Variants in PPP4R3B observed in about 807,000 individuals in gnomAD.
PPP4R3B encodes protein phosphatase 4 regulatory subunit 3B, also known as serine/threonine-protein phosphatase 4 regulatory subunit 3B.
PPP4R3B carries 52 observed loss-of-function variants against 95.4 expected under a neutral mutation model. That is an observed-to-expected ratio of 0.54 (90% CI 0.44 to 0.69). The LOEUF (loss-of-function observed/expected upper bound fraction) is 0.69. Among genes scored for constraint, PPP4R3B ranks in the 30% least tolerant of loss-of-function variants. PPP4R3B has a pLI of 0.00. For missense variants in PPP4R3B, 1,003 were observed against 1,005.9 expected, an observed-to-expected ratio of 1.00 and a Z score of 0.04; for synonymous variants, 407 against 343.9, an observed-to-expected ratio of 1.18 and a Z score of -2.03.
intron 4 of PPP4R3B, among the ~76,000 whole-genome samples, chr2:55,589,275 C>G (rs891515265): frequency 2.4e-4 from 37 of 152,310 alleles, no homozygotes; most frequent in African/African-American, 8.4e-4. Flanking sequence ...TCAGGGTCTA[C>G]TTACTCTTAA....
At chr2:55,581,733 C>G in intron 7 of PPP4R3B, 35 bp from the exon 8 acceptor site, 1 of 1,599,916 alleles carries the variant, frequency 6.3e-7, no homozygotes, top group South Asian at 1.1e-5. Flanking sequence ...AAACATGTTT[C>G]CATTAGACCT....
In PPP4R3B at chr2:55,573,746, T is replaced by A; in HGVS notation, c.1638A>T (p.Leu546Phe). The A allele has an allele frequency of 1.3e-6, 2 of 1,536,710 alleles. No homozygotes were observed. The highest frequency in any genetic ancestry group is 5.0e-5 in the East Asian group (2 of 40,392). ...DNYQTAQLLA[L>F]ILELLTFCVE... Reference sequence around the variant, plus strand: ...CACAAAATGTGAGTAACTCTAAAATTAAGGCAAGTAGCTGTGCTGTTTGAT... The same window carrying A: ...CACAAAATGTGAGTAACTCTAAAATAAAGGCAAGTAGCTGTGCTGTTTGAT... The change falls in exon 12 of 17, where the codon TTA becomes TTT. Residue 546 changes from leucine (L) to phenylalanine (F), a missense_variant. Physicochemically the swap from Leu to Phe is conservative, Grantham distance 22 (BLOSUM62 0). Coordinates refer to ENST00000616407, the MANE Select transcript of PPP4R3B (RefSeq NM_001122964.3).
intron 15 of PPP4R3B, among the ~76,000 whole-genome samples, chr2:55,562,769 T>A (rs1686794668): frequency 6.6e-6 from 1 of 152,216 alleles, no homozygotes; most frequent in South Asian, 2.1e-4. Flanking sequence ...CTCTACATTG[T>A]GGTATCTAGC....
chr2:55,555,304 A>AAG (rs1685710249), intron 16 of PPP4R3B, among the ~76,000 whole-genome samples: 1 of 150,630 alleles, frequency 6.6e-6, no homozygotes, highest in East Asian at 1.9e-4. Context: ...AAAAGAAAGA[A>AAG]AGAAAAAGAG....
chr2:55,608,254 C>G (rs1007939730), intron 2 of PPP4R3B, among the ~76,000 whole-genome samples: 1 of 152,212 alleles, frequency 6.6e-6, no homozygotes, highest in African/African-American at 2.4e-5. Flanking sequence ...ATCTGCCAGC[C>G]TTGGGCTCCC....
intron 2 of PPP4R3B, among the ~76,000 whole-genome samples, chr2:55,613,200 C>T (rs1694425735): frequency 6.6e-6 from 1 of 151,800 alleles, no homozygotes; most frequent in African/African-American, 2.4e-5. Context: ...TAACATAACC[C>T]CTAAATGGCC....
chr2:55,608,617 T>C (rs1180444840), intron 2 of PPP4R3B, among the ~76,000 whole-genome samples: 1 of 152,182 alleles, frequency 6.6e-6, no homozygotes, highest in African/African-American at 2.4e-5. Context: ...TCTCTTCAAT[T>C]CCACAGATTG....
chr2:55,589,927 AAATTATATATATATAAAAAATATAT>A (rs1179319032), intron 4 of PPP4R3B, among the ~76,000 whole-genome samples: 1 of 144,876 alleles, frequency 6.9e-6, no homozygotes, highest in African/African-American at 2.5e-5. Flanking sequence ...AAAAAAAAAA[AAATTATATATATATAAAAAATATAT>A]ATAATTATAT....
intron 3 of PPP4R3B, among the ~76,000 whole-genome samples, chr2:55,601,774 T>C (rs1229333695): frequency 2.6e-5 from 4 of 152,348 alleles, no homozygotes; most frequent in Admixed American, 2.0e-4. Flanking sequence ...CATAATGTGA[T>C]ATGGTATAAC....
At chr2:55,570,565 C>T (rs1687875847) in intron 12 of PPP4R3B, among the ~76,000 whole-genome samples, 1 of 152,108 alleles carries the variant, frequency 6.6e-6, no homozygotes, top group Non-Finnish European at 1.5e-5. Context: ...TATGTTGATC[C>T]TTTAACTTGT....
At chr2:55,564,630 C>T (rs1687053125) in intron 14 of PPP4R3B, 133 bp from the exon 15 acceptor site, 10 of 825,736 alleles carry the variant, frequency 1.2e-5, no homozygotes, top group African/African-American at 1.8e-5. Flanking sequence ...AAAATAATCT[C>T]TGTAATGATA....
intron 2 of PPP4R3B, among the ~76,000 whole-genome samples, chr2:55,611,396 C>G (rs1390379582): frequency 6.6e-6 from 1 of 152,126 alleles, no homozygotes; most frequent in Non-Finnish European, 1.5e-5. Flanking sequence ...TCTGTCACAC[C>G]TATCAGGTAT....
intron 2 of PPP4R3B, among the ~76,000 whole-genome samples, chr2:55,605,011 C>T (rs1239957940): frequency 6.6e-6 from 1 of 151,716 alleles, no homozygotes; most frequent in Non-Finnish European, 1.5e-5. Context: ...ACTAATTTTT[C>T]GTAGAGACAG....
intron 2 of PPP4R3B, among the ~76,000 whole-genome samples, chr2:55,604,300 C>A (rs781440049): frequency 5.9e-5 from 9 of 152,074 alleles, no homozygotes; most frequent in Non-Finnish European, 1.2e-4. Flanking sequence ...AATATTAAAA[C>A]AGGCTAGTAG....
At chr2:55,579,238 T>G (rs1278910927) in intron 9 of PPP4R3B, among the ~76,000 whole-genome samples, 1 of 152,104 alleles carries the variant, frequency 6.6e-6, no homozygotes, top group Non-Finnish European at 1.5e-5. Context: ...CTTGCCCCTA[T>G]ATATTAGCAC....
chr2:55,567,636 G>C (rs1246144043), intron 13 of PPP4R3B, among the ~76,000 whole-genome samples: 2 of 152,118 alleles, frequency 1.3e-5, no homozygotes, highest in East Asian at 1.9e-4. Flanking sequence ...GGCTGGTCAC[G>C]AACTCCTGAC....
Position 55,549,436 on chromosome 2 carries a change from G to T in PPP4R3B, c.*475C>A, listed in dbSNP as rs552177799. 2 of 153,148 alleles carry T rather than the reference G, an allele frequency of 1.3e-5. No individual in the cohort carries two copies. Among genetic ancestry groups the T allele is most frequent in the African/African-American group, 2.4e-5 (1 of 41,404 alleles). The allele number at this position is 153,148 out of a possible 1,614,324, so 9.5% of individuals were successfully genotyped here. A position where few individuals can be genotyped will look rare whatever the true frequency, so the allele number is the denominator to read the frequency against. On this transcript the variant is annotated 3_prime_UTR_variant, in exon 17 of 17. Transcript: ENST00000616407. The stretch of plus-strand genomic sequence containing the variant: ...TAACTTCATTTTTTTAATGATAGTT[G>T]AATGTGTTTTCCATAAAAATTTCTT...
chr2:55,609,216 A>G (rs1360443621), intron 2 of PPP4R3B, among the ~76,000 whole-genome samples: 1 of 151,946 alleles, frequency 6.6e-6, no homozygotes, highest in Non-Finnish European at 1.5e-5. Flanking sequence ...GGCTATTCAC[A>G]GGTGTGATCA....
intron 6 of PPP4R3B, among the ~76,000 whole-genome samples, chr2:55,585,512 C>T (rs549779600): frequency 2.0e-5 from 3 of 152,224 alleles, no homozygotes; most frequent in South Asian, 2.1e-4. Flanking sequence ...ATTTGAATAA[C>T]GTCTCCTAGC....
Sources: allele counts gnomAD v4.1 joint callset (sites outside exome capture counted in the v4.1 genomes callset), GRCh38; gene constraint gnomAD v4.1.1; transcripts MANE v1.5; gene names NCBI Gene and HGNC (gene_info 2026-07-23, HGNC 2026-07-21).